Variants in CSMD1 observed in about 807,000 individuals in gnomAD.
The protein encoded by CSMD1 is CUB and sushi domain-containing protein 1.
Under a neutral mutation model 417.5 loss-of-function variants are expected in CSMD1, and 213 were observed. The observed-to-expected ratio is 0.51, with a 90% CI of 0.46 to 0.57. The LOEUF is 0.57. Among genes scored for constraint, CSMD1 ranks in the 20% least tolerant of loss-of-function variants. The pLI is 0.00. For missense variants in CSMD1, 6,923 were observed against 4,529.7 expected, an observed-to-expected ratio of 1.53 and a Z score of -15.17; for synonymous variants, 2,862 against 1,736.8, an observed-to-expected ratio of 1.65 and a Z score of -16.11.
intron 7 of CSMD1, among the ~76,000 whole-genome samples, chr8:3,618,170 T>TA (rs558558517): frequency 1.7e-4 from 25 of 150,092 alleles, no homozygotes; most frequent in Admixed American, 6.7e-4. Flanking sequence ...CCCAGATAAT[T>TA]AAAAAAAAAA....
intron 6 of CSMD1, among the ~76,000 whole-genome samples, chr8:3,753,032 T>A (rs1207806818): frequency 6.6e-6 from 1 of 152,208 alleles, no homozygotes; most frequent in African/African-American, 2.4e-5. Flanking sequence ...AACTGCAAAC[T>A]GTCTCCGTGA....
intron 1 of CSMD1, among the ~76,000 whole-genome samples, chr8:4,947,823 A>C (rs1743385321): frequency 6.6e-6 from 1 of 152,084 alleles, no homozygotes; most frequent in African/African-American, 2.4e-5. Context: ...AAGTTTTTGC[A>C]TATAGCTGTG....
At chr8:4,316,700 G>A (rs548433810) in intron 3 of CSMD1, among the ~76,000 whole-genome samples, 7 of 152,028 alleles carry the variant, frequency 4.6e-5, no homozygotes, top group Non-Finnish European at 7.4e-5. Context: ...CTTCCTTTAT[G>A]TGTTTCAAAA....
At chr8:4,208,155 T>C (rs1399210696) in intron 3 of CSMD1, among the ~76,000 whole-genome samples, 1 of 152,120 alleles carries the variant, frequency 6.6e-6, no homozygotes, top group Non-Finnish European at 1.5e-5. Flanking sequence ...TCCAAACATA[T>C]TGTGGAGGCT....
rs183544988 is a variant in CSMD1, at chr8:3,070,271, C to T, written c.7474+16826G>A. 1.2e-3 allele frequency among the ~76,000 whole-genome samples: 181 copies of T among 152,334 alleles called. 2 individuals carry two copies. The highest frequency in any genetic ancestry group is 5.4e-3 in the Admixed American group (82 of 15,308). ...TCATGTAAATTTCTCTAACAAGTAG[C>T]TGCTCCACAGCCTTCTTGAACTCCT... On this transcript the variant is annotated intron_variant, in intron 49 of 69. Transcript: ENST00000635120.
intron 7 of CSMD1, among the ~76,000 whole-genome samples, chr8:3,693,855 A>T (rs1800391952): frequency 7.0e-6 from 1 of 142,906 alleles, no homozygotes; most frequent in Non-Finnish European, 1.5e-5. Context: ...AGGGTATATT[A>T]TGTGCTGTAT....
At chr8:4,261,719 T>A (rs906656400) in intron 3 of CSMD1, among the ~76,000 whole-genome samples, 1 of 152,170 alleles carries the variant, frequency 6.6e-6, no homozygotes. Context: ...TGAGAGCAGA[T>A]CTTAAATGCC....
chr8:4,977,946 G>A (rs1309872248), intron 1 of CSMD1, among the ~76,000 whole-genome samples: 1 of 152,198 alleles, frequency 6.6e-6, no homozygotes, highest in Non-Finnish European at 1.5e-5. Flanking sequence ...CAAGCTATTT[G>A]TTGCTGAGGG....
In CSMD1 at chr8:4,730,248, T is replaced by C. The variant is rs1809755804; in HGVS notation, c.86-92690A>G. On this transcript the variant is annotated intron_variant, in intron 1 of 69. Transcript: ENST00000635120. ...CAAAACAAAACAAAACATATATATATATACTTTTTTATGTTCAGGGAACTC... is the reference window on the plus strand; with the variant it reads ...CAAAACAAAACAAAACATATATATACATACTTTTTTATGTTCAGGGAACTC... Among the ~76,000 whole-genome samples, 3 of 151,954 alleles carry C rather than the reference T, an allele frequency of 2.0e-5. 1 individual carries two copies. Among genetic ancestry groups the C allele is most frequent in the African/African-American group, 7.3e-5 (3 of 41,378 alleles).
intron 23 of CSMD1, among the ~76,000 whole-genome samples, chr8:3,328,109 T>C (rs1319313610): frequency 6.6e-6 from 1 of 152,224 alleles, no homozygotes; most frequent in Non-Finnish European, 1.5e-5. Context: ...TGCTGGTTTG[T>C]TTCTGCTATT....
chr8:4,418,604 C>T (rs1658816), intron 3 of CSMD1, among the ~76,000 whole-genome samples: 106,345 of 151,962 alleles, frequency 0.7, 37,483 homozygotes, highest in African/African-American at 0.74. Flanking sequence ...CAAAATATGC[C>T]TGGCATATAG....
At chr8:4,311,977 A>T (rs1798609977) in intron 3 of CSMD1, among the ~76,000 whole-genome samples, 1 of 152,150 alleles carries the variant, frequency 6.6e-6, no homozygotes, top group Non-Finnish European at 1.5e-5. Flanking sequence ...AAAACAAAAT[A>T]AAAATTATTC....
chr8:4,900,145 G>C (rs1371642775), intron 1 of CSMD1, among the ~76,000 whole-genome samples: 2 of 151,924 alleles, frequency 1.3e-5, no homozygotes, highest in Non-Finnish European at 2.9e-5. Context: ...TCACACTCTA[G>C]TTTTCTTAAA....
At chr8:3,600,258 G>A (rs1011222122) in intron 8 of CSMD1, among the ~76,000 whole-genome samples, 16 of 152,168 alleles carry the variant, frequency 1.1e-4, no homozygotes, top group African/African-American at 3.9e-4. Context: ...TAAATAGGAA[G>A]CTTAGGTAAA....
At chr8:3,831,674 C>T (rs1006238220) in intron 5 of CSMD1, among the ~76,000 whole-genome samples, 3 of 152,030 alleles carry the variant, frequency 2.0e-5, no homozygotes, top group South Asian at 2.1e-4. Flanking sequence ...AAATCTTTAC[C>T]GGCAAAGGAT....
At chr8:3,654,148 C>G (rs934457672) in intron 7 of CSMD1, among the ~76,000 whole-genome samples, 1 of 152,188 alleles carries the variant, frequency 6.6e-6, no homozygotes, top group East Asian at 1.9e-4. Context: ...ACAGGACACC[C>G]TGTGTGCACA....
In CSMD1 at chr8:3,692,725, G is replaced by A. The variant is rs187104960; in HGVS notation, c.1009+15689C>T. Among the ~76,000 whole-genome samples the A allele has an allele frequency of 2.0e-3, 308 of 152,248 alleles. 1 individual carries two copies. The highest frequency in any genetic ancestry group is 6.8e-3 in the Middle Eastern group (2 of 294). On this transcript the variant is annotated intron_variant, in intron 7 of 69. Transcript: ENST00000635120. ...TGGGATTACAGGCATAAGCCACCACGCCTGGCCACAACAATTTCTGAGAAT... is the reference window on the plus strand; with the variant it reads ...TGGGATTACAGGCATAAGCCACCACACCTGGCCACAACAATTTCTGAGAAT...
chr8:3,961,724 T>A (rs772111380), intron 5 of CSMD1, among the ~76,000 whole-genome samples: 3 of 152,202 alleles, frequency 2.0e-5, no homozygotes, highest in African/African-American at 4.8e-5. Context: ...CATGGGAGCA[T>A]TTCCTGCGTA....
chr8:2,941,159 T>C (rs1801847137), intron 69 of CSMD1, among the ~76,000 whole-genome samples: 1 of 152,244 alleles, frequency 6.6e-6, no homozygotes, highest in Admixed American at 6.5e-5. Flanking sequence ...AAATATCATC[T>C]GAAATGTTTT....
Sources: allele counts gnomAD v4.1 joint callset (sites outside exome capture counted in the v4.1 genomes callset), GRCh38; gene constraint gnomAD v4.1.1; transcripts MANE v1.5; gene names NCBI Gene and HGNC (gene_info 2026-07-23, HGNC 2026-07-21).